Variants in ENTREP2 observed in about 807,000 individuals in gnomAD.
ENTREP2 encodes endosomal transmembrane epsin interactor 2.
the ENTREP2 span, among the ~76,000 whole-genome samples, chr15:29,275,127 A>G: frequency 6.6e-6 from 1 of 152,208 alleles, no homozygotes; most frequent in East Asian, 1.9e-4. Context: ...TTTAGCTCAA[A>G]GTAATCCTTA....
At chr15:29,595,391 A>T in the ENTREP2 span, among the ~76,000 whole-genome samples, 1 of 152,188 alleles carries the variant, frequency 6.6e-6, no homozygotes, top group Non-Finnish European at 1.5e-5. Flanking sequence ...ATCTTACCTT[A>T]ATCTGGTAGA....
chr15:29,223,987 G>A, the ENTREP2 span, among the ~76,000 whole-genome samples: 2 of 152,214 alleles, frequency 1.3e-5, no homozygotes, highest in Non-Finnish European at 1.5e-5. Context: ...GTACTCAGAA[G>A]TGTGTCCAGA....
chr15:29,655,194 T>C, the ENTREP2 span, among the ~76,000 whole-genome samples: 1 of 152,200 alleles, frequency 6.6e-6, no homozygotes, highest in Non-Finnish European at 1.5e-5. Context: ...GCTTTTTCCA[T>C]GTGCCCTTTC....
At chr15:29,439,321 AC>A in the ENTREP2 span, among the ~76,000 whole-genome samples, 1 of 150,542 alleles carries the variant, frequency 6.6e-6, no homozygotes, top group Admixed American at 6.6e-5. Context: ...ACACACACAC[AC>A]ACACACACAC....
At chr15:29,158,722 TGA>T in the ENTREP2 span, among the ~76,000 whole-genome samples, 1 of 152,206 alleles carries the variant, frequency 6.6e-6, no homozygotes, top group Admixed American at 6.5e-5. Flanking sequence ...ACGGCGAATA[TGA>T]GAGAGAGGCG....
At chr15:29,559,734 C>A in the ENTREP2 span, among the ~76,000 whole-genome samples, 1 of 152,276 alleles carries the variant, frequency 6.6e-6, no homozygotes, top group Non-Finnish European at 1.5e-5. Flanking sequence ...CAGGAGGACC[C>A]CTGTGATTAC....
the ENTREP2 span, among the ~76,000 whole-genome samples, chr15:29,319,264 T>C: frequency 6.6e-6 from 1 of 152,034 alleles, no homozygotes; most frequent in Admixed American, 6.6e-5. Context: ...TAGAGACCAG[T>C]GGAGAGAAAG....
chr15:29,269,351 A>G, the ENTREP2 span: 12 of 1,614,028 alleles, frequency 7.4e-6, no homozygotes, highest in Non-Finnish European at 1.0e-5. Context: ...ATGTCCTTGT[A>G]GTCCCCGATG....
chr15:29,359,624 G>A, the ENTREP2 span, among the ~76,000 whole-genome samples: 3 of 152,162 alleles, frequency 2.0e-5, no homozygotes, highest in Admixed American at 2.0e-4. Context: ...TGTTGGCCAG[G>A]ATGGTCTTGA....
At chr15:29,488,953 G>A in the ENTREP2 span, among the ~76,000 whole-genome samples, 2 of 152,180 alleles carry the variant, frequency 1.3e-5, no homozygotes, top group African/African-American at 4.8e-5. Flanking sequence ...TGGCTTCCAG[G>A]GGCTAGGAGA....
At chr15:29,541,286 T>C in the ENTREP2 span, among the ~76,000 whole-genome samples, 1 of 152,194 alleles carries the variant, frequency 6.6e-6, no homozygotes, top group Non-Finnish European at 1.5e-5. Context: ...GTTCACTCGC[T>C]CCTTCCGTAA....
the ENTREP2 span, among the ~76,000 whole-genome samples, chr15:29,293,727 G>A: frequency 4.3e-4 from 65 of 152,288 alleles, no homozygotes; most frequent in African/African-American, 1.3e-3. Context: ...CTTCACACTC[G>A]GGGAAGCGTG....
the ENTREP2 span, chr15:29,124,641 C>G: frequency 1.3e-6 from 2 of 1,510,922 alleles, no homozygotes; most frequent in Non-Finnish European, 1.8e-6. Flanking sequence ...CCCGCCCCAC[C>G]TCCCAGCAGG....
chr15:29,582,858 G>A, the ENTREP2 span, among the ~76,000 whole-genome samples: 2 of 152,012 alleles, frequency 1.3e-5, no homozygotes, highest in Non-Finnish European at 2.9e-5. Context: ...CTCCATGTTG[G>A]TCAGGCTGGT....
the ENTREP2 span, among the ~76,000 whole-genome samples, chr15:29,490,211 T>G: frequency 2.0e-5 from 3 of 152,150 alleles, no homozygotes; most frequent in Non-Finnish European, 4.4e-5. Flanking sequence ...CCTTGTGGTG[T>G]TCGGACATGT....
At chr15:29,388,220 T>C in the ENTREP2 span, among the ~76,000 whole-genome samples, 1 of 152,322 alleles carries the variant, frequency 6.6e-6, no homozygotes, top group East Asian at 1.9e-4. Context: ...AATCTACTCA[T>C]CTGCCAAAGG....
the ENTREP2 span, among the ~76,000 whole-genome samples, chr15:29,428,531 GCTTCA>G: frequency 1.3e-5 from 2 of 151,516 alleles, no homozygotes; most frequent in African/African-American, 4.9e-5. Context: ...ATGTTTTAAA[GCTTCA>G]CTTTTCCATC....
At chr15:29,486,453 G>A in the ENTREP2 span, among the ~76,000 whole-genome samples, 1 of 152,222 alleles carries the variant, frequency 6.6e-6, no homozygotes, top group East Asian at 1.9e-4. Context: ...CACTTTGGGA[G>A]GCCGAGGTGG....
At chr15:29,268,252 A>C in the ENTREP2 span, 1 of 152,378 alleles carries the variant, frequency 6.6e-6, no homozygotes, top group South Asian at 2.1e-4. Context: ...ATAATTATGA[A>C]TATAAACAAT....
Sources: allele counts gnomAD v4.1 joint callset (sites outside exome capture counted in the v4.1 genomes callset), GRCh38; gene constraint gnomAD v4.1.1; transcripts MANE v1.5; gene names NCBI Gene and HGNC (gene_info 2026-07-23, HGNC 2026-07-21).